The following DOCK1 variants were observed in gnomAD, a reference collection of about 807,000 sequenced individuals.
The protein encoded by DOCK1 is dedicator of cytokinesis 1.
Under a neutral mutation model 262.7 loss-of-function variants are expected in DOCK1, and 138 were observed. The observed-to-expected ratio is 0.53, with a 90% CI of 0.46 to 0.61. The LOEUF (loss-of-function observed/expected upper bound fraction) is 0.61. Ranked by LOEUF, DOCK1 falls within the 20% of genes least tolerant of loss-of-function variation. The pLI is 0.00. For synonymous variants in DOCK1, 866 were observed against 867.4 expected, an observed-to-expected ratio of 1.00 and a Z score of 0.03; for missense variants, 1,908 against 2,370.7, an observed-to-expected ratio of 0.80 and a Z score of 4.05.
chr10:127,277,925 A>ACTTT (rs148583799), intron 29 of DOCK1, among the ~76,000 whole-genome samples: 46,081 of 151,898 alleles, frequency 0.3, 8,156 homozygotes, highest in South Asian at 0.55. Context: ...GTAAAAGTCA[A>ACTTT]CTTTCTTTTC....
intron 27 of DOCK1, among the ~76,000 whole-genome samples, chr10:127,146,777 A>G (rs2051901399): frequency 6.6e-6 from 1 of 152,208 alleles, no homozygotes; most frequent in Non-Finnish European, 1.5e-5. Context: ...TAATCGCTGA[A>G]TGACAAAGGC....
chr10:127,032,391 C>T, intron 18 of DOCK1, 71 bp downstream of exon 18: 1 of 1,436,568 alleles, frequency 7.0e-7, no homozygotes, highest in Non-Finnish European at 9.2e-7. Flanking sequence ...ATGCTCCTTC[C>T]TATGTGGAGG....
chr10:127,036,819 C>CA (rs963837138), intron 18 of DOCK1, among the ~76,000 whole-genome samples: 2 of 150,986 alleles, frequency 1.3e-5, no homozygotes, highest in Non-Finnish European at 3.0e-5. Flanking sequence ...ACTAAAACTA[C>CA]AAAAAAAATT....
intron 23 of DOCK1, among the ~76,000 whole-genome samples, chr10:127,095,644 C>A (rs2047861253): frequency 2.0e-5 from 3 of 148,008 alleles, no homozygotes; most frequent in Admixed American, 1.3e-4. Context: ...TGTGACACAA[C>A]CACGTGGGCC....
chr10:127,267,396 C>G (rs2060401528), intron 29 of DOCK1, among the ~76,000 whole-genome samples: 2 of 152,200 alleles, frequency 1.3e-5, no homozygotes, highest in South Asian at 4.1e-4. Flanking sequence ...CAGAGTTTTA[C>G]CTGGTTGTTT....
At chr10:127,244,155 A>C (rs907627844) in intron 27 of DOCK1, among the ~76,000 whole-genome samples, 1 of 150,274 alleles carries the variant, frequency 6.7e-6, no homozygotes, top group African/African-American at 2.4e-5. Context: ...TCAGGTAAAC[A>C]ACAGTTTTTT....
intron 38 of DOCK1, among the ~76,000 whole-genome samples, chr10:127,393,794 G>A (rs1175742855): frequency 6.6e-6 from 1 of 152,012 alleles, no homozygotes; most frequent in African/African-American, 2.4e-5. Context: ...ATGTCTTTCA[G>A]CCTAGCTCTT....
At chr10:127,144,678 A>G (rs1019580197) in intron 27 of DOCK1, among the ~76,000 whole-genome samples, 2 of 152,224 alleles carry the variant, frequency 1.3e-5, no homozygotes, top group Non-Finnish European at 2.9e-5. Context: ...TACCTACATT[A>G]AATATATATG....
chr10:127,421,936 G>A (rs2068535047), intron 46 of DOCK1, among the ~76,000 whole-genome samples: 3 of 152,170 alleles, frequency 2.0e-5, no homozygotes, highest in Admixed American at 2.0e-4. Flanking sequence ...TGCTGTGAAT[G>A]TGGGTGTATA....
chr10:127,335,876 G>A (rs577564904), intron 29 of DOCK1, among the ~76,000 whole-genome samples: 69 of 151,976 alleles, frequency 4.5e-4, no homozygotes, highest in Middle Eastern at 3.4e-3. Context: ...CACCATGCCC[G>A]GCTAATTTTT....
intron 40 of DOCK1, among the ~76,000 whole-genome samples, chr10:127,408,285 G>GTCACCTC: frequency 6.6e-6 from 1 of 152,296 alleles, no homozygotes; most frequent in East Asian, 1.9e-4. Flanking sequence ...GGTGACAAAA[G>GTCACCTC]TGTCATTTGA....
chr10:127,106,184 C>A, intron 23 of DOCK1, 47 bp from the exon 24 acceptor site: 1 of 1,547,108 alleles, frequency 6.5e-7, no homozygotes, highest in African/African-American at 1.4e-5. Context: ...GGTATGAACA[C>A]TCCCTAACCT....
At chr10:126,962,163 CT>C (rs1297437880) in intron 1 of DOCK1, among the ~76,000 whole-genome samples, 183 of 140,668 alleles carry the variant, frequency 1.3e-3, no homozygotes, top group Middle Eastern at 3.7e-3. Flanking sequence ...ATGCCCGACT[CT>C]TTTTTTTTTT....
chr10:127,037,958 G>C (rs2043759885), intron 19 of DOCK1, 142 bp downstream of exon 19: 5 of 703,948 alleles, frequency 7.1e-6, no homozygotes, highest in Non-Finnish European at 8.9e-6. Context: ...TAGGGATTGG[G>C]TGCGGTGGCT....
In DOCK1 at chr10:127,106,271, T is replaced by C; in HGVS notation, c.2486T>C (p.Val829Ala). The change falls in exon 24 of 52, where the codon GTG (valine) becomes GCG (alanine). Residue 829 changes from valine (V) to alanine (A), a missense_variant. By Grantham distance (64) the Val-to-Ala change is moderately conservative. This residue lies in a region of DOCK1 where 518 missense variants were observed against 575.1 expected (regional missense o/e 0.90). Transcript: ENST00000623213. ...TACTTACCAACGATCGTCAACGATG[T>C]GAAATTGGTGTTTGATCCCAAAGAG... is the stretch of plus-strand genomic sequence containing the variant. ...LKYLPTIVND[V>A]KLVFDPKELS... 1 of 1,598,118 alleles carries C rather than the reference T, an allele frequency of 6.3e-7. No individual in the cohort carries two copies. The highest frequency in any genetic ancestry group is 8.5e-7 in the Non-Finnish European group (1 of 1,171,338).
intron 29 of DOCK1, among the ~76,000 whole-genome samples, chr10:127,264,803 G>A (rs2060295758): frequency 6.6e-6 from 1 of 152,092 alleles, no homozygotes. Context: ...TGGGACTACC[G>A]ACACATACCA....
intron 1 of DOCK1, among the ~76,000 whole-genome samples, chr10:126,928,626 TG>T (rs2033953627): frequency 6.6e-6 from 1 of 151,954 alleles, no homozygotes; most frequent in Admixed American, 6.6e-5. Flanking sequence ...CAGCTTAAGG[TG>T]TGGTCATACT....
intron 1 of DOCK1, among the ~76,000 whole-genome samples, chr10:126,938,211 T>C (rs2034688482): frequency 6.6e-6 from 1 of 152,164 alleles, no homozygotes; most frequent in South Asian, 2.1e-4. Flanking sequence ...CACGCCTGGC[T>C]AATTTTTTGT....
At chr10:126,910,055 G>A (rs527576831) in intron 1 of DOCK1, among the ~76,000 whole-genome samples, 3 of 152,204 alleles carry the variant, frequency 2.0e-5, no homozygotes, top group Admixed American at 2.0e-4. Context: ...ATTTGGGAGC[G>A]TGGGAGTTGA....
Sources: gnomAD v4.1 joint callset for allele counts (sites outside exome capture counted in the v4.1 genomes callset) on GRCh38, gnomAD v4.1.1 for gene constraint, gnomAD v4.1.1 regional missense constraint, MANE v1.5 for transcripts, NCBI Gene and HGNC (gene_info 2026-07-23, HGNC 2026-07-21) for gene names.